Variants in NOL4 observed in about 807,000 individuals in gnomAD.
The protein encoded by NOL4 is nucleolar protein 4, also known as cancer/testis antigen 125.
Under a neutral mutation model 75.9 loss-of-function variants are expected in NOL4, and 17 were observed. The ratio of observed to expected loss-of-function variants is 0.22; its 90% CI spans 0.15 to 0.34. NOL4 has a LOEUF of 0.34. Ranked by LOEUF, NOL4 falls within the 10% of genes least tolerant of loss-of-function variation. The pLI, the probability that NOL4 is intolerant of heterozygous loss-of-function variation, is 1.00. For missense variants in NOL4, 614 were observed against 793.5 expected (o/e 0.77, Z 2.72); for synonymous variants, 292 against 289.9 (o/e 1.01, Z -0.07).
At chr18:34,107,194 T>G (rs1490705774) in intron 2 of NOL4, among the ~76,000 whole-genome samples, 1 of 152,124 alleles carries the variant, frequency 6.6e-6, no homozygotes, top group Non-Finnish European at 1.5e-5. Flanking sequence ...CTATGACTTG[T>G]CTAGCAGCAT....
At chr18:33,997,493 G>A (rs1401043882) in intron 6 of NOL4, among the ~76,000 whole-genome samples, 7 of 17,418 alleles carry the variant, frequency 4.0e-4, no homozygotes, top group African/African-American at 1.6e-3. Flanking sequence ...ATAGTTTGAG[G>A]TGGGGTAATG....
intron 6 of NOL4, among the ~76,000 whole-genome samples, chr18:34,015,460 CACATTTTGGCTTCTAAAA>C (rs1302865013): frequency 6.6e-6 from 1 of 151,970 alleles, no homozygotes; most frequent in Non-Finnish European, 1.5e-5. Flanking sequence ...TGAAATGCTC[CACATTTTGGCTTCTAAAA>C]TATCCCCTTC....
chr18:34,157,746 G>A (rs1333789446), intron 1 of NOL4, among the ~76,000 whole-genome samples: 1 of 152,118 alleles, frequency 6.6e-6, no homozygotes, highest in Non-Finnish European at 1.5e-5. Flanking sequence ...AGGAAAATGA[G>A]AAGTTAGATC....
chr18:34,130,834 C>A (rs1445829545), intron 1 of NOL4, among the ~76,000 whole-genome samples: 2 of 152,022 alleles, frequency 1.3e-5, no homozygotes, highest in African/African-American at 4.8e-5. Flanking sequence ...GAGAAAATAT[C>A]ACCTTCTGTT....
chr18:33,958,194 G>C (rs148016526), intron 7 of NOL4, 45 bp downstream of exon 7: 2 of 1,497,178 alleles, frequency 1.3e-6, no homozygotes, highest in Non-Finnish European at 1.8e-6. Flanking sequence ...ACATGAAAGT[G>C]AAGTGGTAAA....
At chr18:34,098,642 T>C (rs1170458018) in intron 4 of NOL4, among the ~76,000 whole-genome samples, 1 of 152,194 alleles carries the variant, frequency 6.6e-6, no homozygotes, top group Non-Finnish European at 1.5e-5. Flanking sequence ...AAAAGAAAAC[T>C]GAAAAACATC....
At chr18:33,858,921 C>T (rs752310935) in intron 10 of NOL4, among the ~76,000 whole-genome samples, 15 of 151,874 alleles carry the variant, frequency 9.9e-5, no homozygotes, top group Non-Finnish European at 1.9e-4. Flanking sequence ...AAAACATGGT[C>T]TAATATCTCT....
At chr18:34,197,462 A>G (rs1474343010) in intron 1 of NOL4, among the ~76,000 whole-genome samples, 1 of 152,038 alleles carries the variant, frequency 6.6e-6, no homozygotes, top group Non-Finnish European at 1.5e-5. Context: ...TTTTATACTC[A>G]ACATTTATTA....
intron 9 of NOL4, among the ~76,000 whole-genome samples, chr18:33,909,392 C>G (rs1432898986): frequency 6.6e-6 from 1 of 152,146 alleles, no homozygotes. Flanking sequence ...AAAACCTTTT[C>G]CTAAGTCCAC....
chr18:34,088,944 T>C (rs2078374814), intron 5 of NOL4, among the ~76,000 whole-genome samples: 1 of 152,224 alleles, frequency 6.6e-6, no homozygotes, highest in Admixed American at 6.5e-5. Context: ...TTTTGACCTT[T>C]ATCTAATTAT....
chr18:34,121,808 T>C (rs748309753), intron 2 of NOL4, among the ~76,000 whole-genome samples: 1 of 152,146 alleles, frequency 6.6e-6, no homozygotes, highest in Non-Finnish European at 1.5e-5. Context: ...TAGGTGACTT[T>C]TGCAAATAGA....
chr18:34,217,744 TTGTGTGTATG>T (rs2037008207), intron 1 of NOL4, among the ~76,000 whole-genome samples: 1 of 152,114 alleles, frequency 6.6e-6, no homozygotes, highest in Admixed American at 6.6e-5. Context: ...TACCACATGC[TTGTGTGTATG>T]TGTGTGTATA....
At chr18:34,188,784 A>G (rs2034688779) in intron 1 of NOL4, among the ~76,000 whole-genome samples, 1 of 152,228 alleles carries the variant, frequency 6.6e-6, no homozygotes, top group African/African-American at 2.4e-5. Flanking sequence ...TTCAAAAACC[A>G]TAGTCAAACC....
intron 6 of NOL4, among the ~76,000 whole-genome samples, chr18:34,007,149 C>G (rs1450231665): frequency 6.6e-6 from 1 of 151,938 alleles, no homozygotes; most frequent in African/African-American, 2.4e-5. Flanking sequence ...TCTCATGCCT[C>G]TGAATCAATA....
intron 5 of NOL4, among the ~76,000 whole-genome samples, chr18:34,080,587 T>C (rs145839308): frequency 2.3e-3 from 347 of 152,288 alleles, no homozygotes; most frequent in African/African-American, 7.7e-3. Context: ...ACTTTGATAC[T>C]GTGAAGGCTG....
intron 5 of NOL4, among the ~76,000 whole-genome samples, chr18:34,025,731 G>C (rs1424320415): frequency 1.3e-5 from 2 of 152,056 alleles, no homozygotes; most frequent in Non-Finnish European, 2.9e-5. Context: ...AGAATGAAAG[G>C]CTTTTTCTCT....
intron 5 of NOL4, among the ~76,000 whole-genome samples, chr18:34,044,250 C>T (rs2076264380): frequency 6.6e-6 from 1 of 151,658 alleles, no homozygotes; most frequent in Non-Finnish European, 1.5e-5. Context: ...ATTTCAGGAC[C>T]ACAATGATAT....
intron 5 of NOL4, among the ~76,000 whole-genome samples, chr18:34,062,908 G>A (rs2077124476): frequency 6.6e-6 from 1 of 152,004 alleles, no homozygotes; most frequent in Admixed American, 6.6e-5. Context: ...ATACAGAACT[G>A]GTTGGACATT....
At chr18:33,957,547 G>C in intron 7 of NOL4, 30 bp from the exon 8 acceptor site, 1 of 1,555,438 alleles carries the variant, frequency 6.4e-7, no homozygotes, top group South Asian at 1.1e-5. Flanking sequence ...AGAGGAGAAG[G>C]GTTTGGAGGG....
Sources: allele counts gnomAD v4.1 joint callset (sites outside exome capture counted in the v4.1 genomes callset), GRCh38; gene constraint gnomAD v4.1.1; transcripts MANE v1.5; gene names NCBI Gene and HGNC (gene_info 2026-07-23, HGNC 2026-07-21).